ALAS1: variants seen among roughly 807,000 people sequenced by gnomAD.
ALAS1 encodes 5'-aminolevulinate synthase 1.
ALAS1 carries 29 observed loss-of-function variants against 59.6 expected under a neutral mutation model. The ratio of observed to expected loss-of-function variants is 0.49; its 90% CI spans 0.36 to 0.66. The LOEUF (loss-of-function observed/expected upper bound fraction) is 0.66, where lower values mean the gene tolerates loss of function less well. Among genes scored for constraint, ALAS1 ranks in the 30% least tolerant of loss-of-function variants. The pLI, the probability that ALAS1 is intolerant of heterozygous loss-of-function variation, is 0.00. For synonymous variants in ALAS1, 299 were observed against 296.6 expected (o/e 1.01, Z -0.08); for missense variants, 690 against 807.5 (o/e 0.85, Z 1.76).
chr3:52,206,751 G>C lies in ALAS1; in HGVS notation c.1165G>C (p.Gly389Arg). The change falls in exon 8 of 12, where the codon GGG (glycine) becomes CGG (arginine). Residue 389 changes from glycine to arginine, a missense_variant and splice_region_variant. By Grantham distance (125) the Gly-to-Arg change is moderately radical (BLOSUM62 -2). Coordinates refer to ENST00000484952, the MANE Select transcript of ALAS1 (RefSeq NM_000688.6). ...VAFETVHSMD[G>R]AVCPLEELCD... ...ATTTGAAACTGTCCATTCAATGGAT[G>C]GTAAGTGTGGATAGAGGTTCCTCTG... is the stretch of plus-strand genomic sequence containing the variant. The C allele has an allele frequency of 6.2e-7, 1 of 1,613,806 alleles. No homozygotes were observed. The highest frequency in any genetic ancestry group is 1.1e-5 in the South Asian group (1 of 91,052).
chr3:52,208,247 G>T lies in ALAS1; in HGVS notation c.1330G>T (p.Gly444Cys). The T allele has an allele frequency of 6.2e-7, 1 of 1,613,964 alleles. No individual in the cohort carries two copies. The highest frequency in any genetic ancestry group is 1.1e-5 in the South Asian group (1 of 91,066). Residue 444 changes from glycine (G) to cysteine (C), a missense_variant and splice_region_variant, in exon 9 of 12, where the codon GGC becomes TGC. Gly to Cys is a radical substitution (Grantham distance 159). Transcript: ENST00000484952. ...AATGGACATCATTTCTGGAACACTT[G>T]GTATGTATACATTGTATTACATACA... ...PKMDIISGTL[G>C]KAFGCVGGYI...
chr3:52,209,886 G>C (rs954218578), intron 9 of ALAS1, among the ~76,000 whole-genome samples: 1 of 151,960 alleles, frequency 6.6e-6, no homozygotes, highest in Non-Finnish European at 1.5e-5. Flanking sequence ...CACCATGTTG[G>C]CCAGGCTGGT....
In ALAS1 at chr3:52,204,770, T is replaced by C. The variant is rs777962219; in HGVS notation, c.655T>C (p.Phe219Leu). Residue 219 changes from phenylalanine to leucine, a missense_variant, in exon 6 of 12, where the codon TTT becomes CTT. Transcript: ENST00000484952. ...EKKNDHTYRVFKTVNRRAHIF... is the reference protein window; with the variant it reads ...EKKNDHTYRVLKTVNRRAHIF... ...AAAGAATGACCACACCTATCGAGTTTTTAAAACTGTGAACCGGCGAGCACA... is the reference window on the plus strand; with the variant it reads ...AAAGAATGACCACACCTATCGAGTTCTTAAAACTGTGAACCGGCGAGCACA... The C allele has an allele frequency of 6.2e-7, 1 of 1,614,186 alleles. No individual in the cohort carries two copies. The highest frequency in any genetic ancestry group is 1.7e-5 in the Admixed American group (1 of 60,026).
At chr3:52,205,334 G>C (rs1324706986) in intron 6 of ALAS1, among the ~76,000 whole-genome samples, 1 of 152,176 alleles carries the variant, frequency 6.6e-6, no homozygotes, top group Admixed American at 6.5e-5. Context: ...TCGTCCTTCA[G>C]GAGGCTCACC....
chr3:52,205,352 G>T (rs1365605147), intron 6 of ALAS1, among the ~76,000 whole-genome samples: 1 of 152,150 alleles, frequency 6.6e-6, no homozygotes, highest in Non-Finnish European at 1.5e-5. Context: ...ACCATCCTAG[G>T]GATGCTGGAG....
chr3:52,199,459 G>T lies in ALAS1; in HGVS notation c.199+19G>T, dbSNP rs371816029. 1.2e-6 allele frequency: 2 copies of T among 1,608,442 alleles called. No individual in the cohort carries two copies. The highest frequency in any genetic ancestry group is 2.7e-5 in the African/African-American group (2 of 74,752). ...AGTGAGAGTAAGTGTCATTGACAATGAAGGAGCAGGTATGGGTGTTTGTGC... is the reference window on the plus strand; with the variant it reads ...AGTGAGAGTAAGTGTCATTGACAATTAAGGAGCAGGTATGGGTGTTTGTGC... On this transcript the variant is annotated intron_variant, in intron 3 of 11. Transcript: ENST00000484952.
Position 52,206,626 on chromosome 3 carries a change from G to A in ALAS1, c.1040G>A (p.Arg347Gln), listed in dbSNP as rs775821753. 3.1e-6 allele frequency: 5 copies of A among 1,614,174 alleles called. No homozygotes were observed. Among genetic ancestry groups the A allele is most frequent in the South Asian group, 1.1e-5 (1 of 91,084 alleles). Residue 347 changes from arginine (R) to glutamine (Q), a missense_variant, in exon 8 of 12, where the codon CGA (arginine) becomes CAA (glutamine). Coordinates refer to ENST00000484952, the MANE Select transcript of ALAS1 (RefSeq NM_000688.6). ...CATGCCTCCATGATCCAAGGGATTC[G>A]AAACAGCCGAGTGCCAAAGTACATC... The part of the protein sequence containing the change: ...GNHASMIQGI[R>Q]NSRVPKYIFR...
upstream of ALAS1, chr3:52,198,144 C>T (rs1442630880): frequency 2.5e-5 from 10 of 398,274 alleles, no homozygotes; most frequent in East Asian, 3.2e-4. Context: ...ATTAAGGCGC[C>T]GGCGATCGCG....
intron 11 of ALAS1, among the ~76,000 whole-genome samples, chr3:52,212,986 C>G (rs1474543498): frequency 6.6e-6 from 1 of 152,172 alleles, no homozygotes; most frequent in Non-Finnish European, 1.5e-5. Context: ...GCCCCCTTGT[C>G]TACGTGGCTG....
At position 52,206,517 on chromosome 3, in the gene ALAS1, G is replaced by C; in HGVS notation, c.986-55G>C. On this transcript the variant is annotated intron_variant, in intron 7 of 11. Coordinates refer to ENST00000484952, the MANE Select transcript of ALAS1 (RefSeq NM_000688.6). ...AGGAAAAGTCTGTTGTCTTTCTCTA[G>C]GAAATAATTTGTCTTCGATGCACAT... 3 of 1,561,242 alleles carry C rather than the reference G, an allele frequency of 1.9e-6. No individual in the cohort carries two copies. The South Asian group carries it at 3.4e-5, about 18-fold the overall frequency.
intron 4 of ALAS1, among the ~76,000 whole-genome samples, chr3:52,203,190 C>G (rs1432236080): frequency 6.6e-6 from 1 of 152,166 alleles, no homozygotes; most frequent in Non-Finnish European, 1.5e-5. Flanking sequence ...TCAAGGCTCC[C>G]CAAAAGCCTA....
At chr3:52,201,090 T>G (rs1699177747) in intron 3 of ALAS1, among the ~76,000 whole-genome samples, 1 of 152,222 alleles carries the variant, frequency 6.6e-6, no homozygotes, top group South Asian at 2.1e-4. Context: ...TATAGAAGAT[T>G]TTAATGAAAA....
chr3:52,209,515 T>G (rs978501806), intron 9 of ALAS1, among the ~76,000 whole-genome samples: 5 of 152,146 alleles, frequency 3.3e-5, no homozygotes, highest in African/African-American at 1.2e-4. Flanking sequence ...CCAGAAGCTC[T>G]TTTCTTTTAA....
intron 3 of ALAS1, among the ~76,000 whole-genome samples, chr3:52,201,623 A>G (rs1360448965): frequency 6.6e-6 from 1 of 151,984 alleles, no homozygotes; most frequent in Admixed American, 6.5e-5. Context: ...AGCTGGGCGC[A>G]GTAGAACACC....
chr3:52,202,243 G>A (rs1371169521), intron 3 of ALAS1, among the ~76,000 whole-genome samples: 1 of 152,092 alleles, frequency 6.6e-6, no homozygotes, highest in Middle Eastern at 3.2e-3. Flanking sequence ...CCAGCTACTT[G>A]GGAGGCTGAG....
chr3:52,204,614 C>A, intron 5 of ALAS1, 79 bp from the exon 6 acceptor site: 2 of 1,227,576 alleles, frequency 1.6e-6, no homozygotes, highest in Non-Finnish European at 2.3e-6. Flanking sequence ...AGTTGCCAAG[C>A]TGAGACTTGT....
Position 52,206,740 on chromosome 3 carries a change from A to G in ALAS1, c.1154A>G (p.His385Arg), listed in dbSNP as rs768767865. 1 of 1,614,156 alleles carries G rather than the reference A, an allele frequency of 6.2e-7. No individual in the cohort carries two copies. The highest frequency in any genetic ancestry group is 1.1e-5 in the South Asian group (1 of 91,076). The change falls in exon 8 of 12, where the codon CAT (histidine) becomes CGT (arginine). Residue 385 changes from histidine (H) to arginine (R), a missense_variant. By Grantham distance (29) the His-to-Arg change is conservative. Coordinates refer to ENST00000484952, the MANE Select transcript of ALAS1 (RefSeq NM_000688.6). The part of the protein sequence containing the change: ...VPKIVAFETV[H>R]SMDGAVCPLE... ...AAGATTGTGGCATTTGAAACTGTCC[A>G]TTCAATGGATGGTAAGTGTGGATAG...
In ALAS1 at chr3:52,203,552, A is replaced by C. The variant is rs187484828; in HGVS notation, c.428-311A>C. 1.1e-4 allele frequency among the ~76,000 whole-genome samples: 16 copies of C among 151,910 alleles called. No homozygotes were observed. In the East Asian group the frequency reaches 2.9e-3, roughly 27 times the overall value. On this transcript the variant is annotated intron_variant, in intron 4 of 11. Transcript: ENST00000484952. ...TGGGACTCTGTCTCAAAAAAAAAAAAACAGAAAATTGAGATTAGGATTGGG... is the reference window on the plus strand; with the variant it reads ...TGGGACTCTGTCTCAAAAAAAAAAACACAGAAAATTGAGATTAGGATTGGG...
chr3:52,208,168 G>A lies in ALAS1; in HGVS notation c.1251G>A (p.Gly417=), dbSNP rs375898725. The change falls in exon 9 of 12, where the codon GGG becomes GGA. Residue 417 remains glycine (G), a synonymous_variant. Coordinates refer to ENST00000484952, the MANE Select transcript of ALAS1 (RefSeq NM_000688.6). ...ITFVDEVHAV[G]LYGARGGGIG... is the part of the protein sequence containing the mutation. ...TCGTGGATGAGGTCCACGCAGTGGG[G>A]CTTTATGGGGCTCGAGGCGGAGGGA... The A allele has an allele frequency of 7.3e-5, 118 of 1,613,712 alleles. No homozygotes were observed. Among genetic ancestry groups the A allele is most frequent in the Non-Finnish European group, 9.5e-5 (112 of 1,179,808 alleles).
Sources: allele counts gnomAD v4.1 joint callset (sites outside exome capture counted in the v4.1 genomes callset), GRCh38; gene constraint gnomAD v4.1.1; transcripts MANE v1.5; gene names NCBI Gene and HGNC (gene_info 2026-07-23, HGNC 2026-07-21).